ERMP1: variants seen among roughly 807,000 people sequenced by gnomAD.
ERMP1 encodes endoplasmic reticulum metallopeptidase 1.
A neutral mutation model predicts 92.0 loss-of-function variants in ERMP1; 86 were observed. That is an observed-to-expected ratio of 0.93 (90% CI 0.79 to 1.12). The LOEUF is 1.12. Among genes scored for constraint, ERMP1 ranks in the 50% most tolerant of loss-of-function variants. The pLI, the probability that ERMP1 is intolerant of heterozygous loss-of-function variation, is 0.00. For synonymous variants in ERMP1, 530 were observed against 412.8 expected (o/e 1.28, Z -3.44); for missense variants, 1,342 against 1,116.3 (o/e 1.20, Z -2.88).
chr9:5,799,039 T>G, intron 11 of ERMP1, 31 bp from the exon 12 acceptor site: 1 of 1,532,222 alleles, frequency 6.5e-7, no homozygotes. Flanking sequence ...AAAAAACTGT[T>G]TCAACTAGTA....
intron 4 of ERMP1, among the ~76,000 whole-genome samples, chr9:5,821,877 T>A (rs1213112158): frequency 3.3e-5 from 5 of 152,224 alleles, no homozygotes; most frequent in Admixed American, 2.6e-4. Flanking sequence ...GAGTGTCCTC[T>A]CTCCTTCAGA....
Position 5,798,776 on chromosome 9 carries a change from T to C in ERMP1, c.2270+30A>G, listed in dbSNP as rs774107097. The C allele has an allele frequency of 5.4e-6, 8 of 1,487,148 alleles. No homozygotes were observed. The South Asian group carries it at 8.0e-5, about 15-fold the overall frequency. The allele number at this position is 1,487,148 out of a possible 1,614,324, so 92.1% of individuals were successfully genotyped here. On this transcript the variant is annotated intron_variant, in intron 12 of 14. Coordinates refer to ENST00000339450, the MANE Select transcript of ERMP1 (RefSeq NM_024896.3). ...ATGGTGACAAGACTTGAGAACAAAC[T>C]AACCTTAAGCAGAAAAATAATGAAC...
In ERMP1 at chr9:5,787,161, C is replaced by G; in HGVS notation, c.2698G>C (p.Asp900His). Residue 900 changes from aspartate (D) to histidine (H), a missense_variant, in exon 15 of 15, where the codon GAT becomes CAT. Coordinates refer to ENST00000339450, the MANE Select transcript of ERMP1 (RefSeq NM_024896.3). ...TFPSAWVCTY[D>H]LFVF Reference sequence around the variant, plus strand: ...CCACAAGATTAAAATACAAAGAGATCGTAGGTGCACACCCAGGCAGAGGGA... The same window carrying G: ...CCACAAGATTAAAATACAAAGAGATGGTAGGTGCACACCCAGGCAGAGGGA... 6.2e-7 allele frequency: 1 copy of G among 1,613,416 alleles called. No individual in the cohort carries two copies. Among genetic ancestry groups the G allele is most frequent in the Non-Finnish European group, 8.5e-7 (1 of 1,179,678 alleles).
intron 13 of ERMP1, among the ~76,000 whole-genome samples, chr9:5,788,357 G>A (rs928529118): frequency 1.3e-5 from 2 of 152,098 alleles, no homozygotes; most frequent in African/African-American, 2.4e-5. Flanking sequence ...ACAGGGCAGG[G>A]ACTTAAAAGT....
chr9:5,843,615 G>C (rs4075225), intron 6 of ERMP1, among the ~76,000 whole-genome samples: 5,715 of 152,278 alleles, frequency 0.038, 210 homozygotes, highest in East Asian at 0.14. Context: ...TCTTAGTTGA[G>C]AGGTCAGTCT....
chr9:5,811,330 G>GA lies in ERMP1; in HGVS notation c.1115-8_1115-7insT. On this transcript the variant is annotated splice_region_variant and splice_polypyrimidine_tract_variant and intron_variant, in intron 6 of 14. Transcript: ENST00000339450. ...ACTGCTAAAATGTTGTCACCTATTAGTAAAAACAAAAAAAAAAAGAAAGAA... is the reference window on the plus strand; with the variant it reads ...ACTGCTAAAATGTTGTCACCTATTAGATAAAAACAAAAAAAAAAAGAAAGAA... 1 of 1,533,538 alleles carries GA rather than the reference G, an allele frequency of 6.5e-7. No homozygotes were observed. Among genetic ancestry groups the GA allele is most frequent in the Non-Finnish European group, 8.8e-7 (1 of 1,133,238 alleles). 95.0% of individuals were successfully genotyped at this position (1,533,538 alleles called of 1,614,324 possible). A position where few individuals can be genotyped will look rare whatever the true frequency, so the allele number is the denominator to read the frequency against.
In ERMP1 at chr9:5,799,989, C is replaced by G. The variant is rs183650371; in HGVS notation, c.2068-981G>C. On this transcript the variant is annotated intron_variant, in intron 11 of 14. Transcript: ENST00000339450. ...ATAACAAGGAATTGTTATTTGGCCC[C>G]TTTTCAAAACCTCCTAAGTGTTTTT... Among the ~76,000 whole-genome samples the G allele has an allele frequency of 5.9e-5, 9 of 152,228 alleles. No individual in the cohort carries two copies. The East Asian group carries it at 1.5e-3, about 26-fold the overall frequency.
At chr9:5,854,671 G>A (rs768036911) in intron 6 of ERMP1, among the ~76,000 whole-genome samples, 4 of 151,982 alleles carry the variant, frequency 2.6e-5, no homozygotes, top group Non-Finnish European at 4.4e-5. Context: ...GACTACAGGC[G>A]TGCGTCACCA....
chr9:5,842,112 A>C (rs1420345002), intron 6 of ERMP1, among the ~76,000 whole-genome samples: 1 of 152,142 alleles, frequency 6.6e-6, no homozygotes, highest in Non-Finnish European at 1.5e-5. Flanking sequence ...TGAAAACAGA[A>C]AGAACAAAGC....
Position 5,811,319 on chromosome 9 carries a change from G to C in ERMP1, c.1119C>G (p.Asp373Glu), listed in dbSNP as rs1253062138. The C allele has an allele frequency of 1.3e-6, 2 of 1,595,966 alleles. No homozygotes were observed. Among genetic ancestry groups the C allele is most frequent in the African/African-American group, 2.7e-5 (2 of 73,872 alleles). ...ILTDSIQRAG[D>E]NILAVLKHLA... ...GATGCTTAAGAACTGCTAAAATGTT[G>C]TCACCTATTAGTAAAAACAAAAAAA... Residue 373 changes from aspartate (D) to glutamate (E), a missense_variant, in exon 7 of 15, where the codon GAC becomes GAG. Asp to Glu is a conservative substitution (Grantham distance 45). Coordinates refer to ENST00000339450, the MANE Select transcript of ERMP1 (RefSeq NM_024896.3).
At position 5,786,960 on chromosome 9, in the gene ERMP1, G is replaced by A; in HGVS notation, c.*184C>T. The A allele has an allele frequency of 1.9e-6, 1 of 529,522 alleles. No individual in the cohort carries two copies. Among genetic ancestry groups the A allele is most frequent in the Non-Finnish European group, 3.2e-6 (1 of 310,030 alleles). The allele number at this position is 529,522 out of a possible 1,614,324, so 32.8% of individuals were successfully genotyped here. On this transcript the variant is annotated 3_prime_UTR_variant, in exon 15 of 15. Coordinates refer to ENST00000339450, the MANE Select transcript of ERMP1 (RefSeq NM_024896.3). ...GCATTTTCAAGTGTCAACAGGCCAT[G>A]CATCACTGCGCCACAGCTAAACCCT...
intron 13 of ERMP1, among the ~76,000 whole-genome samples, chr9:5,796,020 G>A (rs1034645291): frequency 1.3e-5 from 2 of 151,968 alleles, no homozygotes; most frequent in Admixed American, 6.6e-5. Context: ...TATATATAAG[G>A]ATTCTATAAG....
intron 4 of ERMP1, among the ~76,000 whole-genome samples, chr9:5,822,908 C>T (rs556435998): frequency 1.6e-4 from 24 of 152,204 alleles, no homozygotes; most frequent in Non-Finnish European, 3.2e-4. Flanking sequence ...ATAACTCCCA[C>T]ATGCTTAGCG....
chr9:5,846,539 T>C (rs995705015), intron 6 of ERMP1, among the ~76,000 whole-genome samples: 2 of 152,250 alleles, frequency 1.3e-5, no homozygotes, highest in African/African-American at 2.4e-5. Context: ...CCTGTGATTA[T>C]GTCAGATAGA....
At chr9:5,854,564 C>T (rs1830349357) in intron 6 of ERMP1, among the ~76,000 whole-genome samples, 1 of 152,208 alleles carries the variant, frequency 6.6e-6, no homozygotes, top group African/African-American at 2.4e-5. Context: ...CACAGTTTCA[C>T]TGTGTCGCCC....
At chr9:5,828,728 A>C (rs1332579511) in intron 2 of ERMP1, among the ~76,000 whole-genome samples, 1 of 152,140 alleles carries the variant, frequency 6.6e-6, no homozygotes, top group Non-Finnish European at 1.5e-5. Context: ...TTCTCTTTTT[A>C]ACCTGTCTTT....
At chr9:5,788,725 G>A (rs1179895339) in intron 13 of ERMP1, among the ~76,000 whole-genome samples, 1 of 151,888 alleles carries the variant, frequency 6.6e-6, no homozygotes, top group African/African-American at 2.4e-5. Context: ...TAACCATGAA[G>A]CAGGAGAAAA....
intron 6 of ERMP1, among the ~76,000 whole-genome samples, chr9:5,855,371 T>C (rs973605199): frequency 6.6e-6 from 1 of 152,196 alleles, no homozygotes; most frequent in African/African-American, 2.4e-5. Flanking sequence ...CCAGAGAATC[T>C]GGGAGAAAGC....
chr9:5,791,410 T>C (rs967519587), intron 13 of ERMP1: 13 of 428,658 alleles, frequency 3.0e-5, no homozygotes, highest in Middle Eastern at 7.3e-4. Context: ...ACTTGCATTA[T>C]GGAGGGCAAT....
Sources: gnomAD v4.1 joint callset for allele counts (sites outside exome capture counted in the v4.1 genomes callset) on GRCh38, gnomAD v4.1.1 for gene constraint, MANE v1.5 for transcripts, NCBI Gene and HGNC (gene_info 2026-07-23, HGNC 2026-07-21) for gene names.